LAMP2: variants seen among roughly 807,000 people sequenced by gnomAD.
LAMP2 encodes lysosome associated membrane protein 2.
In LAMP2, 4 loss-of-function variants were observed where a neutral mutation model predicts 25.6. The ratio of observed to expected loss-of-function variants is 0.16; its 90% confidence interval spans 0.08 to 0.36. The LOEUF (loss-of-function observed/expected upper bound fraction) is 0.36, where lower values mean the gene tolerates loss of function less well. Among genes scored for constraint, LAMP2 ranks in the 10% least tolerant of loss-of-function variants. LAMP2 has a pLI of 1.00. For synonymous variants in LAMP2, 108 were observed against 112.7 expected (o/e 0.96, Z 0.27); for missense variants, 272 against 301.4 (o/e 0.90, Z 0.72).
intron 7 of LAMP2, among the ~76,000 whole-genome samples, chrX:120,442,228 C>CA (rs1157951288): frequency 0.041 from 1,156 of 28,155 alleles, 12 homozygotes; most frequent in African/African-American, 0.05. Context: ...GACCCTGTCT[C>CA]AAAAAAAAAA....
chrX:120,447,645 G>T (rs1317731343), intron 5 of LAMP2, among the ~76,000 whole-genome samples, 196 bp downstream of exon 5: 3 of 111,054 alleles, frequency 2.7e-5, no homozygotes, highest in Non-Finnish European at 3.8e-5. Flanking sequence ...GGGAGGCGGA[G>T]TTTGCAGTGA....
chrX:120,432,393 C>G (rs2058526416), intron 8 of LAMP2, among the ~76,000 whole-genome samples: 1 of 110,628 alleles, frequency 9.0e-6, no homozygotes, highest in Admixed American at 9.7e-5. Context: ...GTAGTCTGGC[C>G]TTATCCTGAT....
chrX:120,445,689 T>C (rs780556328), intron 6 of LAMP2, among the ~76,000 whole-genome samples: 15 of 112,359 alleles, frequency 1.3e-4, no homozygotes, highest in South Asian at 3.7e-4. Flanking sequence ...TCCCCGATGA[T>C]TAATTTATGC....
intron 7 of LAMP2, 127 bp from the exon 8 acceptor site, chrX:120,442,021 G>A (rs1049972289): frequency 7.2e-6 from 4 of 557,490 alleles, no homozygotes; most frequent in African/African-American, 6.9e-5. Flanking sequence ...GGCAGATCAC[G>A]TGAGCCCAGG....
At chrX:120,462,531 A>C (rs984238737) in intron 1 of LAMP2, among the ~76,000 whole-genome samples, 5 of 108,888 alleles carry the variant, frequency 4.6e-5, no homozygotes, top group Admixed American at 9.9e-5. Context: ...AAAAAAAAAA[A>C]AAAAACCTCT....
At chrX:120,459,621 G>A (rs951106930) in intron 1 of LAMP2, among the ~76,000 whole-genome samples, 2 of 112,574 alleles carry the variant, frequency 1.8e-5, no homozygotes, top group Non-Finnish European at 3.7e-5. Context: ...AGGAGCACCA[G>A]AAATTCTGAG....
Position 120,428,452 on chromosome X carries a change from GA to G in LAMP2, c.*2870del, listed in dbSNP as rs761717112. Reference sequence around the variant, plus strand: ...GCCAATGGAAACGTAACTTCTAATTGAAAAAAACAAACAAACACTAGATTTA... The same window carrying G: ...GCCAATGGAAACGTAACTTCTAATTGAAAAAACAAACAAACACTAGATTTA... On this transcript the variant is annotated 3_prime_UTR_variant, in exon 9 of 9. Coordinates refer to ENST00000200639, the MANE Select transcript of LAMP2 (RefSeq NM_002294.3). The G allele has an allele frequency of 1.7e-6, 2 of 1,146,419 alleles. No homozygotes were observed. The highest frequency in any genetic ancestry group is 2.2e-5 in the South Asian group (1 of 45,284). 94.5% of individuals were successfully genotyped at this position (1,146,419 alleles called of 1,213,427 possible). A position where few individuals can be genotyped will look rare whatever the true frequency, so the allele number is the denominator to read the frequency against.
intron 2 of LAMP2, among the ~76,000 whole-genome samples, chrX:120,456,150 G>A (rs138043891): frequency 1.0e-3 from 108 of 106,201 alleles, no homozygotes; most frequent in Middle Eastern, 4.9e-3. Flanking sequence ...CTCCAGCCTC[G>A]GCCCAGCGAG....
At chrX:120,446,184 T>C (rs2058595144) in intron 6 of LAMP2, 121 bp downstream of exon 6, 1 of 642,660 alleles carries the variant, frequency 1.6e-6, no homozygotes, top group Non-Finnish European at 2.6e-6. Flanking sequence ...CTACACTTTA[T>C]AATTGAGTAC....
chrX:120,439,239 G>A (rs1460142366), intron 8 of LAMP2: 1 of 1,209,524 alleles, frequency 8.3e-7, no homozygotes, highest in Non-Finnish European at 1.1e-6. Context: ...TGAAAGACCA[G>A]CACCAACTAT....
chrX:120,464,951 T>A (rs1921472066), intron 1 of LAMP2, among the ~76,000 whole-genome samples: 1 of 111,258 alleles, frequency 9.0e-6, no homozygotes, highest in Non-Finnish European at 1.9e-5. Context: ...CCATGTTGGC[T>A]AGGCTGGTCT....
intron 6 of LAMP2, among the ~76,000 whole-genome samples, chrX:120,443,913 G>A (rs975739707): frequency 2.4e-4 from 26 of 110,116 alleles, no homozygotes; most frequent in African/African-American, 7.9e-4. Flanking sequence ...TCTGGGAGGC[G>A]GAGGTTGTAG....
rs374094057 is a variant in LAMP2, at chrX:120,465,268, T to C, written c.64+3838A>G. Reference sequence around the variant, plus strand: ...ACTAAGAATATTTCTGTGAGGTTTTTCCCACCCAGAAAAGCCTCAAACCTA... The same window carrying C: ...ACTAAGAATATTTCTGTGAGGTTTTCCCCACCCAGAAAAGCCTCAAACCTA... On this transcript the variant is annotated intron_variant, in intron 1 of 8. Transcript: ENST00000200639. Among the ~76,000 whole-genome samples the C allele has an allele frequency of 1.9e-3, 211 of 108,798 alleles. 1 individual carries two copies. The South Asian group carries it at 0.021, about 11-fold the overall frequency. The allele number at this position is 108,798 out of a possible 115,157, so 94.5% of individuals were successfully genotyped here. A position where few individuals can be genotyped will look rare whatever the true frequency, so the allele number is the denominator to read the frequency against.
chrX:120,455,651 A>G (rs1285813440), intron 2 of LAMP2, 81 bp from the exon 3 acceptor site: 1 of 770,148 alleles, frequency 1.3e-6, no homozygotes, highest in Non-Finnish European at 2.0e-6. Flanking sequence ...ATGCCACTTC[A>G]GCCTAAATCA....
intron 6 of LAMP2, 148 bp downstream of exon 6, chrX:120,446,157 G>A (rs2058595023): frequency 3.6e-6 from 2 of 551,086 alleles, no homozygotes; most frequent in African/African-American, 2.3e-5. Context: ...TCTGAGGGAT[G>A]AACAGGGATG....
chrX:120,462,950 C>A (rs1431594530), intron 1 of LAMP2, among the ~76,000 whole-genome samples: 1 of 112,450 alleles, frequency 8.9e-6, no homozygotes, highest in East Asian at 2.8e-4. Context: ...ATTTACAAGT[C>A]TCCTTTTTAG....
In LAMP2 at chrX:120,427,811, T is replaced by C. The variant is rs1232785704; in HGVS notation, c.*3512A>G. On this transcript the variant is annotated 3_prime_UTR_variant, in exon 9 of 9. Coordinates refer to ENST00000200639, the MANE Select transcript of LAMP2 (RefSeq NM_002294.3). The stretch of plus-strand genomic sequence containing the variant: ...GGAGGTCTTACTTCATCCTTCAGTA[T>C]AAATGTCAAGTCTGAGATAATCAGT... The C allele has an allele frequency of 9.0e-6, 1 of 111,606 alleles. No homozygotes were observed. Among genetic ancestry groups the C allele is most frequent in the Non-Finnish European group, 1.9e-5 (1 of 53,074 alleles). 9.2% of individuals were successfully genotyped at this position (111,606 alleles called of 1,213,427 possible).
intron 1 of LAMP2, among the ~76,000 whole-genome samples, chrX:120,463,083 T>C (rs1921386136): frequency 8.9e-6 from 1 of 112,200 alleles, no homozygotes; most frequent in Non-Finnish European, 1.9e-5. Context: ...AAAAGGTCTT[T>C]TTAAAATACA....
At chrX:120,445,436 A>G (rs2058591744) in intron 6 of LAMP2, among the ~76,000 whole-genome samples, 1 of 112,647 alleles carries the variant, frequency 8.9e-6, no homozygotes, top group African/African-American at 3.2e-5. Context: ...CCTACTTTTT[A>G]TATATCAGAT....
Sources: allele counts gnomAD v4.1 joint callset (sites outside exome capture counted in the v4.1 genomes callset), GRCh38; gene constraint gnomAD v4.1.1; transcripts MANE v1.5; gene names NCBI Gene and HGNC (gene_info 2026-07-23, HGNC 2026-07-21).